NPL: variants seen among roughly 807,000 people sequenced by gnomAD.
NPL encodes N-acetylneuraminate pyruvate lyase.
Under a neutral mutation model 41.1 loss-of-function variants are expected in NPL, and 32 were observed. The observed-to-expected ratio is 0.78, with a 90% CI of 0.59 to 1.05. NPL has a LOEUF of 1.05. Ranked by LOEUF, NPL falls within the 50% of genes least tolerant of loss-of-function variation. The pLI, the probability that NPL is intolerant of heterozygous loss-of-function variation, is 0.00. For missense variants in NPL, 321 were observed against 378.4 expected (o/e 0.85, Z 1.26); for synonymous variants, 128 against 134.9 (o/e 0.95, Z 0.35).
intron 6 of NPL, among the ~76,000 whole-genome samples, chr1:182,814,341 T>C (rs954723975): frequency 1.3e-5 from 2 of 152,282 alleles, no homozygotes; most frequent in South Asian, 4.1e-4. Context: ...TCTTCTGTGA[T>C]GTATATAATC....
At position 182,818,420 on chromosome 1, in the gene NPL, A is replaced by C. The variant is rs1021646772; in HGVS notation, c.458-121A>C. On this transcript the variant is annotated intron_variant, in intron 8 of 12. Transcript: ENST00000367553. ...TAGTCAGGGACCAGTGATTATGCCT[A>C]GTCTGCAGTCAGTTCTGGCTGACAG... The C allele has an allele frequency of 1.8e-5, 22 of 1,227,562 alleles. No homozygotes were observed. The African/African-American group carries it at 2.8e-4, about 16-fold the overall frequency. 76.0% of individuals were successfully genotyped at this position (1,227,562 alleles called of 1,614,324 possible).
At position 182,818,647 on chromosome 1, in the gene NPL, G is replaced by A; in HGVS notation, c.564G>A (p.Gln188=). ...TAGACTTCGGGCAATGTGTTGATCA[G>A]AATCGCCAGCAACAGTTTGCTTTCC... The part of the protein sequence containing the change: ...DLLDFGQCVD[Q]NRQQQFAFLF... Residue 188 remains glutamine (Q), a synonymous_variant, in exon 9 of 13, where the codon CAG becomes CAA. Transcript: ENST00000367553. 1 of 1,614,214 alleles carries A rather than the reference G, an allele frequency of 6.2e-7. No homozygotes were observed. The highest frequency in any genetic ancestry group is 1.3e-5 in the African/African-American group (1 of 75,052).
chr1:182,795,530 C>A (rs1666636727), intron 3 of NPL, among the ~76,000 whole-genome samples: 1 of 152,116 alleles, frequency 6.6e-6, no homozygotes, highest in Non-Finnish European at 1.5e-5. Flanking sequence ...TTTCTCATGT[C>A]TTTTAGTATT....
At chr1:182,794,541 A>G (rs1666604466) in intron 3 of NPL, 102 bp downstream of exon 3, 1 of 1,182,650 alleles carries the variant, frequency 8.5e-7, no homozygotes, top group Non-Finnish European at 1.3e-6. Flanking sequence ...ACCTCTGTAG[A>G]ACTGTTGCCA....
chr1:182,818,625 A>G lies in NPL; in HGVS notation c.542A>G (p.Asp181Gly). The change falls in exon 9 of 13, where the codon GAC (aspartate) becomes GGC (glycine). Residue 181 changes from aspartate to glycine, a missense_variant. Asp to Gly is a moderately conservative substitution (Grantham distance 94, BLOSUM62 -1). Transcript: ENST00000367553. ...GLKFSDTDLL[D>G]FGQCVDQNRQ... The stretch of plus-strand genomic sequence containing the variant: ...AAATTCAGTGATACAGATCTCTTAG[A>G]CTTCGGGCAATGTGTTGATCAGAAT... 6.2e-7 allele frequency: 1 copy of G among 1,614,204 alleles called. No homozygotes were observed. The highest frequency in any genetic ancestry group is 1.1e-5 in the South Asian group (1 of 91,084).
rs570855325 is a variant in NPL at position 182,800,761 on chromosome 1, G to A, written c.69-2937G>A. ...TTTTTTTTTTTTGAGACCGAGTCTC[G>A]CTCTGTCACCCAGGCTGGAGTGCAG... On this transcript the variant is annotated intron_variant, in intron 3 of 12. Coordinates refer to ENST00000367553, the MANE Select transcript of NPL (RefSeq NM_030769.3). 1.8e-3 allele frequency among the ~76,000 whole-genome samples: 231 copies of A among 125,994 alleles called. 1 individual carries two copies. Among genetic ancestry groups the A allele is most frequent in the Non-Finnish European group, 3.1e-3 (197 of 64,034 alleles). 82.7% of individuals were successfully genotyped at this position (125,994 alleles called of 152,430 possible). A position where few individuals can be genotyped will look rare whatever the true frequency, so the allele number is the denominator to read the frequency against.
chr1:182,820,183 A>G (rs1266206460), intron 10 of NPL, among the ~76,000 whole-genome samples: 1 of 152,274 alleles, frequency 6.6e-6, no homozygotes, highest in Non-Finnish European at 1.5e-5. Flanking sequence ...AGGTCCAACC[A>G]GAAGCATGTG....
chr1:182,790,835 G>A (rs1333949890), intron 1 of NPL, among the ~76,000 whole-genome samples: 1 of 152,120 alleles, frequency 6.6e-6, no homozygotes, highest in Non-Finnish European at 1.5e-5. Context: ...TAGAGACGGG[G>A]TTTGGCCATG....
At chr1:182,813,625 G>A (rs57848063) in intron 6 of NPL, among the ~76,000 whole-genome samples, 3,573 of 152,164 alleles carry the variant, frequency 0.023, 141 homozygotes, top group African/African-American at 0.082. Context: ...ATCATCCATT[G>A]GACTGAACAC....
intron 3 of NPL, among the ~76,000 whole-genome samples, chr1:182,798,622 C>T (rs896233909): frequency 6.6e-6 from 1 of 152,158 alleles, no homozygotes; most frequent in Non-Finnish European, 1.5e-5. Context: ...TCTAAAATGT[C>T]GAGAAAAAAG....
At chr1:182,813,593 A>G (rs1667241148) in intron 6 of NPL, among the ~76,000 whole-genome samples, 1 of 152,192 alleles carries the variant, frequency 6.6e-6, no homozygotes, top group Non-Finnish European at 1.5e-5. Context: ...AAATATTATC[A>G]TGTAATGACA....
intron 1 of NPL, among the ~76,000 whole-genome samples, chr1:182,791,590 C>T (rs1291560655): frequency 2.6e-5 from 4 of 152,180 alleles, no homozygotes; most frequent in Non-Finnish European, 5.9e-5. Context: ...ATCCTACACT[C>T]CCAACGGCCC....
intron 6 of NPL, among the ~76,000 whole-genome samples, chr1:182,812,717 T>G (rs1667211551): frequency 6.6e-6 from 1 of 152,108 alleles, no homozygotes. Flanking sequence ...GTGGAATTTT[T>G]TTTTTCTGGG....
chr1:182,811,530 A>G (rs1032171006), intron 5 of NPL, among the ~76,000 whole-genome samples: 1 of 152,074 alleles, frequency 6.6e-6, no homozygotes, highest in Non-Finnish European at 1.5e-5. Flanking sequence ...CACCTAACCT[A>G]TAATTGATTT....
Position 182,818,639 on chromosome 1 carries a change from G to A in NPL, c.556G>A (p.Val186Ile), listed in dbSNP as rs1381768510. The change falls in exon 9 of 13, where the codon GTT becomes ATT. Residue 186 changes from valine to isoleucine, a missense_variant. By Grantham distance (29) the Val-to-Ile change is conservative. Transcript: ENST00000367553. ...AGATCTCTTAGACTTCGGGCAATGT[G>A]TTGATCAGAATCGCCAGCAACAGTT... Reference protein sequence around the residue: ...DTDLLDFGQCVDQNRQQQFAF... With the variant: ...DTDLLDFGQCIDQNRQQQFAF... 2 of 1,614,126 alleles carry A rather than the reference G, an allele frequency of 1.2e-6. No homozygotes were observed. The highest frequency in any genetic ancestry group is 1.3e-5 in the African/African-American group (1 of 74,938).
rs1234144655 is a variant in NPL at position 182,829,445 on chromosome 1, G to A, written c.*537G>A. 5 of 1,432,516 alleles carry A rather than the reference G, an allele frequency of 3.5e-6. No individual in the cohort carries two copies. The Admixed American group carries it at 1.4e-4, about 40-fold the overall frequency. The allele number at this position is 1,432,516 out of a possible 1,614,324, so 88.7% of individuals were successfully genotyped here. On this transcript the variant is annotated 3_prime_UTR_variant, in exon 13 of 13. Coordinates refer to ENST00000367553, the MANE Select transcript of NPL (RefSeq NM_030769.3). The stretch of plus-strand genomic sequence containing the variant: ...GTCTAACTCTAGAATGGATGCTTTT[G>A]AATTCATTTCGATGTCACCACTTTT...
chr1:182,812,902 GC>G (rs1468251441), intron 6 of NPL, among the ~76,000 whole-genome samples: 1 of 151,754 alleles, frequency 6.6e-6, no homozygotes, highest in Non-Finnish European at 1.5e-5. Context: ...AGAAAAGAAG[GC>G]ACACACTTTG....
intron 3 of NPL, among the ~76,000 whole-genome samples, chr1:182,800,988 C>T (rs796364464): frequency 2.9e-4 from 44 of 152,206 alleles, no homozygotes; most frequent in African/African-American, 1.0e-3. Context: ...CCTCAGCCTC[C>T]CAAAGTGCTG....
chr1:182,822,099 G>T lies in NPL; in HGVS notation c.654-16G>T. On this transcript the variant is annotated splice_polypyrimidine_tract_variant and intron_variant, in intron 10 of 12. Coordinates refer to ENST00000367553, the MANE Select transcript of NPL (RefSeq NM_030769.3). ...TTGAGTTATTGAACCTGCAGTATTT[G>T]TTATTGTCTTGCCAGTACCTATAAC... 6.4e-7 allele frequency: 1 copy of T among 1,558,828 alleles called. No homozygotes were observed. The highest frequency in any genetic ancestry group is 8.9e-7 in the Non-Finnish European group (1 of 1,129,792).
Sources: gnomAD v4.1 joint callset for allele counts (sites outside exome capture counted in the v4.1 genomes callset) on GRCh38, gnomAD v4.1.1 for gene constraint, MANE v1.5 for transcripts, NCBI Gene and HGNC (gene_info 2026-07-23, HGNC 2026-07-21) for gene names.